Variants in STK32B observed in about 807,000 individuals in gnomAD.
STK32B encodes the protein serine/threonine kinase 32B.
Under a neutral mutation model 52.6 loss-of-function variants are expected in STK32B, and 43 were observed. The observed-to-expected ratio is 0.82, with a 90% CI of 0.64 to 1.05. The LOEUF (loss-of-function observed/expected upper bound fraction) is 1.05, where lower values mean the gene tolerates loss of function less well. STK32B is among the 50% of genes least tolerant of loss of function. STK32B has a pLI of 0.00. For missense variants in STK32B, 621 were observed against 534.6 expected (o/e 1.16, Z -1.59); for synonymous variants, 238 against 204.3 (o/e 1.17, Z -1.41).
Position 5,466,826 on chromosome 4 carries a change from T to C in STK32B, c.1033T>C (p.Cys345Arg). 6.2e-7 allele frequency: 1 copy of C among 1,613,222 alleles called. No homozygotes were observed. The highest frequency in any genetic ancestry group is 8.5e-7 in the Non-Finnish European group (1 of 1,179,586). ...NRSRDGTKDS[C>R]PLNGHLQHCL... ...ATCCAGGGATGGCACAAAGGACAGC[T>C]GCCCGCTGGTGAGTGCTTCGTGGGA... Residue 345 changes from cysteine (C) to arginine (R), a missense_variant, in exon 10 of 12, where the codon TGC becomes CGC. By Grantham distance (180) the Cys-to-Arg change is radical (BLOSUM62 -3). Coordinates refer to ENST00000282908, the MANE Select transcript of STK32B (RefSeq NM_018401.3).
At chr4:5,393,766 A>T (rs745319230) in intron 4 of STK32B, among the ~76,000 whole-genome samples, 9 of 152,132 alleles carry the variant, frequency 5.9e-5, no homozygotes, top group African/African-American at 2.2e-4. Flanking sequence ...ACAATTCGAC[A>T]TGAGATTTGG....
At chr4:5,052,147 C>T (rs28503497) in intron 1 of STK32B, among the ~76,000 whole-genome samples, 51,435 of 152,036 alleles carry the variant, frequency 0.34, 9,014 homozygotes, top group Middle Eastern at 0.48. Flanking sequence ...TAGCGCGGGA[C>T]TGGGGAGGCG....
intron 6 of STK32B, among the ~76,000 whole-genome samples, chr4:5,424,222 C>G (rs1241511731): frequency 6.6e-6 from 1 of 152,124 alleles, no homozygotes; most frequent in African/African-American, 2.4e-5. Flanking sequence ...TGAAGGGGTG[C>G]TGAGGGTGGC....
intron 2 of STK32B, among the ~76,000 whole-genome samples, chr4:5,162,811 G>A (rs1718546985): frequency 6.6e-6 from 1 of 152,200 alleles, no homozygotes; most frequent in Admixed American, 6.5e-5. Context: ...CTTCTATTTT[G>A]AAGTTGAAGG....
At chr4:5,456,307 G>A (rs6446362) in intron 7 of STK32B, among the ~76,000 whole-genome samples, 108,731 of 152,200 alleles carry the variant, frequency 0.71, 39,256 homozygotes, top group East Asian at 0.83. Context: ...ACGAGGCTGG[G>A]GTCCTCCCAT....
chr4:5,281,355 A>G (rs924416054), intron 3 of STK32B, among the ~76,000 whole-genome samples: 6 of 152,196 alleles, frequency 3.9e-5, no homozygotes, highest in African/African-American at 1.4e-4. Context: ...AAAACTGAAC[A>G]CTGCATGTTC....
the STK32B span, among the ~76,000 whole-genome samples, chr4:5,036,743 C>G: frequency 7.2e-6 from 1 of 138,102 alleles, no homozygotes. Flanking sequence ...TCTTGGCTCA[C>G]TGCAACCTCC....
chr4:5,204,860 C>G (rs561407819), intron 3 of STK32B, among the ~76,000 whole-genome samples: 3 of 152,304 alleles, frequency 2.0e-5, no homozygotes, highest in African/African-American at 7.2e-5. Context: ...GGGCTCCTGC[C>G]TCTTTGCCTC....
At chr4:5,041,539 C>G in the STK32B span, among the ~76,000 whole-genome samples, 108 of 152,212 alleles carry the variant, frequency 7.1e-4, no homozygotes, top group Admixed American at 1.3e-3. Context: ...AAGTTCCCAA[C>G]TATGAAAATG....
chr4:5,371,992 C>T (rs1344799259), intron 4 of STK32B, among the ~76,000 whole-genome samples: 3 of 152,242 alleles, frequency 2.0e-5, no homozygotes, highest in African/African-American at 7.2e-5. Flanking sequence ...GCACAAGCCA[C>T]TTCTCTCCAG....
chr4:5,417,958 A>G (rs16837174), intron 6 of STK32B, among the ~76,000 whole-genome samples: 24,451 of 152,174 alleles, frequency 0.16, 2,417 homozygotes, highest in East Asian at 0.5. Context: ...CAAAGTGGCT[A>G]GAGTGAGCTT....
intron 7 of STK32B, among the ~76,000 whole-genome samples, chr4:5,454,691 A>T (rs1182554861): frequency 2.6e-5 from 4 of 152,126 alleles, no homozygotes. Flanking sequence ...GCCCAGCTCC[A>T]GGATATAGTG....
At chr4:5,461,771 G>A (rs2109153901) in intron 9 of STK32B, among the ~76,000 whole-genome samples, 1 of 152,310 alleles carries the variant, frequency 6.6e-6, no homozygotes. Context: ...CATTCTTCCA[G>A]GCCTGGCCAT....
chr4:5,231,678 TG>T (rs1344977593), intron 3 of STK32B, among the ~76,000 whole-genome samples: 2 of 151,922 alleles, frequency 1.3e-5, no homozygotes, highest in Admixed American at 6.6e-5. Context: ...TAGTTCTCAA[TG>T]GGATAGATGG....
intron 3 of STK32B, among the ~76,000 whole-genome samples, chr4:5,209,668 C>A (rs1247091558): frequency 1.3e-5 from 2 of 151,282 alleles, no homozygotes; most frequent in Non-Finnish European, 2.9e-5. Context: ...TGTTAGAATC[C>A]CAGCAGCTGC....
At chr4:5,308,638 G>A (rs28535373) in intron 3 of STK32B, among the ~76,000 whole-genome samples, 1,722 of 152,228 alleles carry the variant, frequency 0.011, 22 homozygotes, top group South Asian at 0.057. Flanking sequence ...CCCCATGGAT[G>A]CAGGGACATG....
rs1415154161 is a variant in STK32B, at chr4:5,378,009, C to T, written c.435-20198C>T. On this transcript the variant is annotated intron_variant, in intron 4 of 11. Coordinates refer to ENST00000282908, the MANE Select transcript of STK32B (RefSeq NM_018401.3). The surrounding 1 kb of genome is among the most constrained non-coding windows in gnomAD (Gnocchi z 4.4). ...GCCCACCAAGGATTTGAGATGGATTCTACTCTCGCTTTGTATTAAAAAGGG... is the reference window on the plus strand; with the variant it reads ...GCCCACCAAGGATTTGAGATGGATTTTACTCTCGCTTTGTATTAAAAAGGG... Among the ~76,000 whole-genome samples the T allele has an allele frequency of 6.6e-6, 1 of 152,180 alleles. No individual in the cohort carries two copies. Among genetic ancestry groups the T allele is most frequent in the African/African-American group, 2.4e-5 (1 of 41,436 alleles).
Position 5,400,371 on chromosome 4 carries a change from C to A in STK32B, c.472+2127C>A, listed in dbSNP as rs148298708. Among the ~76,000 whole-genome samples the A allele has an allele frequency of 0.015, 2,313 of 152,184 alleles. 49 individuals are homozygous for A. Among genetic ancestry groups the A allele is most frequent in the African/African-American group, 0.053 (2,212 of 41,512 alleles). ...ACATTCTTTCTGCATCTCGTTCTGC[C>A]CCCTTGAGCTCCTCATCTTTTTCCA... On this transcript the variant is annotated intron_variant, in intron 5 of 11. Transcript: ENST00000282908. The surrounding 1 kb of genome is among the most constrained non-coding windows in gnomAD (Gnocchi z 6.1).
chr4:5,176,590 C>A (rs1719922268), intron 3 of STK32B, among the ~76,000 whole-genome samples: 1 of 151,958 alleles, frequency 6.6e-6, no homozygotes, highest in Admixed American at 6.6e-5. Flanking sequence ...ATTACAAGCG[C>A]CTGCCACCAC....
Sources: gnomAD v4.1 joint callset for allele counts (sites outside exome capture counted in the v4.1 genomes callset) on GRCh38, gnomAD v4.1.1 for gene constraint, Gnocchi (gnomAD v3.1) non-coding constraint, MANE v1.5 for transcripts, NCBI Gene and HGNC (gene_info 2026-07-23, HGNC 2026-07-21) for gene names.